ATP8A2: variants seen among roughly 807,000 people sequenced by gnomAD.
ATP8A2 encodes the protein ATPase phospholipid transporting 8A2.
In ATP8A2, 100 loss-of-function variants were observed where a neutral mutation model predicts 165.6. The observed-to-expected ratio is 0.60, with a 90% CI of 0.51 to 0.71. The LOEUF (loss-of-function observed/expected upper bound fraction) is 0.71. Ranked by LOEUF, ATP8A2 falls within the 30% of genes least tolerant of loss-of-function variation. The pLI, the probability that ATP8A2 is intolerant of heterozygous loss-of-function variation, is 0.00. For synonymous variants in ATP8A2, 543 were observed against 548.8 expected (o/e 0.99, Z 0.15); for missense variants, 1,227 against 1,479.5 (o/e 0.83, Z 2.80).
chr13:25,630,610 T>C (rs1344648647), intron 24 of ATP8A2, among the ~76,000 whole-genome samples: 2 of 152,180 alleles, frequency 1.3e-5, no homozygotes, highest in African/African-American at 4.8e-5. Context: ...CTCCTATGAA[T>C]AGAAAGATCT....
intron 10 of ATP8A2, among the ~76,000 whole-genome samples, chr13:25,545,032 C>T (rs1476077357): frequency 2.0e-5 from 3 of 150,944 alleles, no homozygotes; most frequent in African/African-American, 4.9e-5. Context: ...TGTCTACTGG[C>T]GCACCGTCTG....
rs1448811489 is a variant in ATP8A2 at position 25,750,216 on chromosome 13, C to T, written c.2385-18830C>T. On this transcript the variant is annotated intron_variant, in intron 25 of 36. Coordinates refer to ENST00000381655, the MANE Select transcript of ATP8A2 (RefSeq NM_016529.6). The surrounding 1 kb of genome is among the most constrained non-coding windows in gnomAD (Gnocchi z 4.3). ...GGTCCAGTTCGTGTGGAAGACAGGC[C>T]GGTGTCCAGAAAGCAGCTCCTGACC... Among the ~76,000 whole-genome samples, 2 of 152,186 alleles carry T rather than the reference C, an allele frequency of 1.3e-5. No individual in the cohort carries two copies. The highest frequency in any genetic ancestry group is 6.5e-5 in the Admixed American group (1 of 15,278).
At chr13:25,391,021 G>A (rs757690697) in intron 1 of ATP8A2, among the ~76,000 whole-genome samples, 7 of 152,124 alleles carry the variant, frequency 4.6e-5, no homozygotes, top group African/African-American at 1.7e-4. Flanking sequence ...GGGATGGACT[G>A]CAGTTTGTTC....
intron 24 of ATP8A2, among the ~76,000 whole-genome samples, chr13:25,607,718 G>A (rs891145284): frequency 2.0e-5 from 3 of 152,186 alleles, no homozygotes; most frequent in Non-Finnish European, 4.4e-5. Context: ...ATGTTAACAA[G>A]CATTTTTGGG....
At position 25,809,297 on chromosome 13, in the gene ATP8A2, C is replaced by T. The variant is rs116466725; in HGVS notation, c.2680-18821C>T. ...ACCTCAGCATCTCGCAGTATACCCA[C>T]GTAACAAACCTGTACATGTACCCCC... On this transcript the variant is annotated intron_variant, in intron 27 of 36. Coordinates refer to ENST00000381655, the MANE Select transcript of ATP8A2 (RefSeq NM_016529.6). Among the ~76,000 whole-genome samples, 1,046 of 152,096 alleles carry T rather than the reference C, an allele frequency of 6.9e-3. 8 individuals are homozygous for T. Among genetic ancestry groups the T allele is most frequent in the African/African-American group, 0.024 (987 of 41,510 alleles).
chr13:25,563,824 T>G (rs2039232682), intron 15 of ATP8A2, 132 bp from the exon 16 acceptor site: 1 of 594,300 alleles, frequency 1.7e-6, no homozygotes, highest in Non-Finnish European at 3.0e-6. Context: ...GAATTTCAAG[T>G]CTTTAAAAGT....
At chr13:25,508,323 T>G (rs1401888632) in intron 2 of ATP8A2, among the ~76,000 whole-genome samples, 1 of 152,218 alleles carries the variant, frequency 6.6e-6, no homozygotes, top group Non-Finnish European at 1.5e-5. Flanking sequence ...TAATTCCACT[T>G]CAGGCAATCG....
intron 25 of ATP8A2, among the ~76,000 whole-genome samples, chr13:25,756,827 T>G (rs1038816134): frequency 6.6e-6 from 1 of 152,210 alleles, no homozygotes; most frequent in Non-Finnish European, 1.5e-5. Flanking sequence ...CCCATATTTT[T>G]GTTTTCAACT....
intron 14 of ATP8A2, among the ~76,000 whole-genome samples, chr13:25,559,437 C>T (rs2039077157): frequency 6.6e-6 from 1 of 152,188 alleles, no homozygotes; most frequent in Non-Finnish European, 1.5e-5. Context: ...GAGGCTGAGG[C>T]AGGAGAATCG....
At chr13:25,790,945 G>C (rs1002311021) in intron 27 of ATP8A2, among the ~76,000 whole-genome samples, 3 of 152,132 alleles carry the variant, frequency 2.0e-5, no homozygotes, top group Non-Finnish European at 2.9e-5. Context: ...AGTGTAATTA[G>C]TTCAACCATT....
In ATP8A2 at chr13:25,411,500, T is replaced by A. The variant is rs921904125; in HGVS notation, c.76+39212T>A. ...AGTCCCTGCCAATCTCAGAGAGTTG[T>A]CTATCTTGTCAGCAAAAATGTTTTA... is the stretch of plus-strand genomic sequence containing the variant. On this transcript the variant is annotated intron_variant, in intron 1 of 36. Coordinates refer to ENST00000381655, the MANE Select transcript of ATP8A2 (RefSeq NM_016529.6). 5.3e-5 allele frequency among the ~76,000 whole-genome samples: 8 copies of A among 152,216 alleles called. 1 individual carries two copies. The highest frequency in any genetic ancestry group is 1.0e-4 in the Non-Finnish European group (7 of 68,034).
intron 25 of ATP8A2, among the ~76,000 whole-genome samples, chr13:25,716,768 A>G (rs993702319): frequency 6.6e-6 from 1 of 152,174 alleles, no homozygotes; most frequent in African/African-American, 2.4e-5. Flanking sequence ...CAAGTCAGAC[A>G]TAGCCCTGGC....
chr13:25,813,433 A>ATGG (rs1320291303), intron 27 of ATP8A2, among the ~76,000 whole-genome samples: 2 of 145,722 alleles, frequency 1.4e-5, no homozygotes, highest in Non-Finnish European at 3.0e-5. Context: ...TGATGGTATG[A>ATGG]TATGATATGG....
chr13:25,713,791 GAGCTAGCAGCTCCCCAGGGT>G (rs71186900), intron 25 of ATP8A2, among the ~76,000 whole-genome samples: 42,920 of 151,842 alleles, frequency 0.28, 7,768 homozygotes, highest in Middle Eastern at 0.41. Flanking sequence ...GGGTCCTGGG[GAGCTAGCAGCTCCCCAGGGT>G]AGCTAGCAGC....
intron 1 of ATP8A2, among the ~76,000 whole-genome samples, chr13:25,375,247 GC>G (rs1289703226): frequency 2.0e-5 from 3 of 152,230 alleles, no homozygotes; most frequent in African/African-American, 7.2e-5. Flanking sequence ...GGTTCTAGGT[GC>G]TAGAGACAGA....
At chr13:25,590,925 G>A (rs974679512) in intron 24 of ATP8A2, among the ~76,000 whole-genome samples, 1 of 152,062 alleles carries the variant, frequency 6.6e-6, no homozygotes, top group African/African-American at 2.4e-5. Context: ...CCTCTGGCGT[G>A]AGTGCTTCAG....
At chr13:25,932,829 T>C (rs1368943271) in intron 33 of ATP8A2, among the ~76,000 whole-genome samples, 1 of 152,156 alleles carries the variant, frequency 6.6e-6, no homozygotes, top group East Asian at 1.9e-4. Context: ...TACCAGTGCA[T>C]TGTTGTGAGC....
At chr13:25,579,076 C>T (rs112207457) in intron 21 of ATP8A2, among the ~76,000 whole-genome samples, 177 bp downstream of exon 21, 4 of 152,288 alleles carry the variant, frequency 2.6e-5, no homozygotes, top group African/African-American at 9.6e-5. Flanking sequence ...CTCTGTCACT[C>T]ATCAGCAGTG....
At chr13:25,529,849 TAGG>T in intron 2 of ATP8A2, 147 bp from the exon 3 acceptor site, 3 of 544,216 alleles carry the variant, frequency 5.5e-6, no homozygotes, top group Non-Finnish European at 3.2e-6. Flanking sequence ...TAAAGCTCTT[TAGG>T]AGAAGATACA....
Sources: gnomAD v4.1 joint callset for allele counts (sites outside exome capture counted in the v4.1 genomes callset) on GRCh38, gnomAD v4.1.1 for gene constraint, Gnocchi (gnomAD v3.1) non-coding constraint, MANE v1.5 for transcripts, NCBI Gene and HGNC (gene_info 2026-07-23, HGNC 2026-07-21) for gene names.